HUNK: variants seen among roughly 807,000 people sequenced by gnomAD.
The protein encoded by HUNK is hormonally up-regulated neu tumor-associated kinase.
HUNK carries 21 observed loss-of-function variants against 61.0 expected under a neutral mutation model. The observed-to-expected ratio is 0.34, with a 90% CI of 0.24 to 0.50. The LOEUF is 0.50. HUNK is among the 20% of genes least tolerant of loss of function. The pLI is 0.98. For synonymous variants in HUNK, 371 were observed against 386.1 expected (o/e 0.96, Z 0.46); for missense variants, 772 against 945.7 (o/e 0.82, Z 2.41).
intron 7 of HUNK, 91 bp from the exon 8 acceptor site, chr21:31,983,435 A>G (rs1568941230): frequency 4.0e-6 from 4 of 997,310 alleles, no homozygotes; most frequent in Middle Eastern, 3.0e-4. Context: ...GCATTCTCTC[A>G]GCCAAGCGCT....
chr21:31,999,823 TTTG>T lies in HUNK; in HGVS notation c.*655_*657del, dbSNP rs879135288. On this transcript the variant is annotated 3_prime_UTR_variant, in exon 11 of 11. Coordinates refer to ENST00000270112, the MANE Select transcript of HUNK (RefSeq NM_014586.2). ...TTCCCAAGCAAGATTTTGATAGATT[TTTG>T]TTGTTGTTGTTGTTGAAACATGCTA... 46 of 197,722 alleles carry T rather than the reference TTTG, an allele frequency of 2.3e-4. No homozygotes were observed. Among genetic ancestry groups the T allele is most frequent in the Admixed American group, 3.0e-4 (5 of 16,606 alleles). The allele number at this position is 197,722 out of a possible 1,614,324, so 12.2% of individuals were successfully genotyped here. A position where few individuals can be genotyped will look rare whatever the true frequency, so the allele number is the denominator to read the frequency against.
intron 1 of HUNK, among the ~76,000 whole-genome samples, chr21:31,909,038 T>C (rs1601371592): frequency 1.3e-5 from 2 of 152,334 alleles, no homozygotes; most frequent in South Asian, 2.1e-4. Context: ...TTAACAATAC[T>C]CATCTCCCCT....
chr21:31,949,294 C>T (rs1321439220), intron 4 of HUNK, among the ~76,000 whole-genome samples: 1 of 152,134 alleles, frequency 6.6e-6, no homozygotes, highest in African/African-American at 2.4e-5. Context: ...TCTTCTAGGG[C>T]ATTGCTAGTC....
chr21:31,937,951 A>G (rs2123825973), intron 2 of HUNK, among the ~76,000 whole-genome samples: 1 of 152,294 alleles, frequency 6.6e-6, no homozygotes, highest in East Asian at 1.9e-4. Context: ...AGTGAAGGGA[A>G]AGTATGTAAT....
rs1244953067 is a variant in HUNK, at chr21:31,985,283, A to G, written c.1257+1674A>G. 2.6e-5 allele frequency among the ~76,000 whole-genome samples: 4 copies of G among 152,160 alleles called. 1 individual carries two copies. The South Asian group carries it at 6.3e-4, about 24-fold the overall frequency. ...GGCCTCTCCCCTCTTTCCTTTTCCA[A>G]CGTAAAGTTTTCATCCTGATCCCAT... On this transcript the variant is annotated intron_variant, in intron 8 of 10. Coordinates refer to ENST00000270112, the MANE Select transcript of HUNK (RefSeq NM_014586.2).
rs756020344 is a variant in HUNK at position 31,984,450 on chromosome 21, C to G, written c.1257+841C>G. Among the ~76,000 whole-genome samples, 6 of 152,174 alleles carry G rather than the reference C, an allele frequency of 3.9e-5. No individual in the cohort carries two copies. In the East Asian group the frequency reaches 7.7e-4, roughly 20 times the overall value. On this transcript the variant is annotated intron_variant, in intron 8 of 10. Transcript: ENST00000270112. ...CTTAAAAATAGAGCTGAGTGTAACACGTGGCATCAGAAGAAAGTGAGATGA... is the reference window on the plus strand; with the variant it reads ...CTTAAAAATAGAGCTGAGTGTAACAGGTGGCATCAGAAGAAAGTGAGATGA...
intron 7 of HUNK, among the ~76,000 whole-genome samples, chr21:31,975,079 C>T (rs930922636): frequency 2.0e-5 from 3 of 151,772 alleles, no homozygotes; most frequent in Non-Finnish European, 2.9e-5. Flanking sequence ...TCCTAAAACT[C>T]GGGTAGCAGT....
chr21:31,906,315 G>A (rs189918993), intron 1 of HUNK, among the ~76,000 whole-genome samples: 5 of 152,298 alleles, frequency 3.3e-5, no homozygotes, highest in African/African-American at 1.2e-4. Flanking sequence ...GGTTCCAAAA[G>A]GCATGATTTA....
At chr21:31,948,397 T>C (rs542287858) in intron 4 of HUNK, among the ~76,000 whole-genome samples, 1 of 152,320 alleles carries the variant, frequency 6.6e-6, no homozygotes, top group East Asian at 1.9e-4. Flanking sequence ...CAGGTTCCTC[T>C]GGGCAGCCCT....
At chr21:31,931,340 T>C (rs1442712926) in intron 2 of HUNK, among the ~76,000 whole-genome samples, 1 of 152,154 alleles carries the variant, frequency 6.6e-6, no homozygotes, top group Non-Finnish European at 1.5e-5. Context: ...TCACCTCTTT[T>C]AAGTATTTTC....
At chr21:31,962,279 C>A (rs2052934400) in intron 5 of HUNK, among the ~76,000 whole-genome samples, 1 of 152,198 alleles carries the variant, frequency 6.6e-6, no homozygotes, top group African/African-American at 2.4e-5. Context: ...ATGAGCCCCA[C>A]ACAGCTGTGG....
chr21:31,991,091 T>C (rs545660983), intron 9 of HUNK, among the ~76,000 whole-genome samples: 1 of 152,338 alleles, frequency 6.6e-6, no homozygotes, highest in South Asian at 2.1e-4. Context: ...CTATGCGGAA[T>C]TGGCTGTTTT....
intron 5 of HUNK, among the ~76,000 whole-genome samples, chr21:31,964,753 C>T (rs754533898): frequency 1.4e-4 from 22 of 152,194 alleles, no homozygotes; most frequent in African/African-American, 4.1e-4. Context: ...GAAGAAAATT[C>T]GTCAGCGGAG....
intron 1 of HUNK, among the ~76,000 whole-genome samples, chr21:31,886,107 T>C (rs2052343942): frequency 6.6e-6 from 1 of 152,136 alleles, no homozygotes; most frequent in African/African-American, 2.4e-5. Flanking sequence ...TCACTTTAAC[T>C]TGATTACTTC....
rs933219530 is a variant in HUNK, at chr21:31,979,725, C to T, written c.1174-3801C>T. Among the ~76,000 whole-genome samples the T allele has an allele frequency of 7.9e-5, 12 of 151,668 alleles. No homozygotes were observed. The South Asian group carries it at 1.0e-3, about 13-fold the overall frequency. ...AGAGACAGGGTTTCACCGTGTTAGC[C>T]AGGATGGTCTCAATCTCCTGACCTC... is the stretch of plus-strand genomic sequence containing the variant. On this transcript the variant is annotated intron_variant, in intron 7 of 10. Transcript: ENST00000270112.
chr21:31,945,613 A>C (rs1307189082), intron 3 of HUNK, among the ~76,000 whole-genome samples: 1 of 152,200 alleles, frequency 6.6e-6, no homozygotes. Context: ...GCCAGAGAGA[A>C]TCAATCTTCC....
At chr21:31,902,815 A>G (rs1182638522) in intron 1 of HUNK, among the ~76,000 whole-genome samples, 1 of 152,216 alleles carries the variant, frequency 6.6e-6, no homozygotes, top group African/African-American at 2.4e-5. Flanking sequence ...AGTTAATCAG[A>G]CAGTTGCCTA....
intron 1 of HUNK, among the ~76,000 whole-genome samples, chr21:31,912,070 T>C (rs930292722): frequency 6.6e-6 from 1 of 152,112 alleles, no homozygotes; most frequent in African/African-American, 2.4e-5. Flanking sequence ...CTACCCCAAA[T>C]TGGAATCTGG....
chr21:31,876,074 C>T (rs1178810165), intron 1 of HUNK, among the ~76,000 whole-genome samples: 3 of 152,154 alleles, frequency 2.0e-5, no homozygotes, highest in Non-Finnish European at 4.4e-5. Context: ...CGCTGCTTCC[C>T]CAGGTGCCCA....
Sources: gnomAD v4.1 joint callset for allele counts (sites outside exome capture counted in the v4.1 genomes callset) on GRCh38, gnomAD v4.1.1 for gene constraint, MANE v1.5 for transcripts, NCBI Gene and HGNC (gene_info 2026-07-23, HGNC 2026-07-21) for gene names.